The following TSC22D2 variants were observed in gnomAD, a reference collection of about 807,000 sequenced individuals.
The protein encoded by TSC22D2 is TSC22 domain family member 2, also known as TSC22 domain family protein 2.
Under a neutral mutation model 50.1 loss-of-function variants are expected in TSC22D2, and 5 were observed. That is an observed-to-expected ratio of 0.10 (90% confidence interval 0.05 to 0.21). The LOEUF is 0.21. Among genes scored for constraint, TSC22D2 ranks in the 10% least tolerant of loss-of-function variants. TSC22D2 has a pLI of 1.00. For synonymous variants in TSC22D2, 501 were observed against 450.1 expected (o/e 1.11, Z -1.43); for missense variants, 1,003 against 1,015.5 (o/e 0.99, Z 0.17).
chr3:150,455,614 G>A (rs1180262458), intron 1 of TSC22D2, among the ~76,000 whole-genome samples: 3 of 152,166 alleles, frequency 2.0e-5, no homozygotes, highest in Non-Finnish European at 4.4e-5. Context: ...ATCCAGGGAA[G>A]TTAAATAGGT....
Position 150,460,644 on chromosome 3 carries a change from A to T in TSC22D2, c.*2008A>T, listed in dbSNP as rs1320696237. The T allele has an allele frequency of 6.6e-6, 1 of 152,188 alleles. No individual in the cohort carries two copies. The highest frequency in any genetic ancestry group is 1.9e-4 in the East Asian group (1 of 5,206). The allele number at this position is 152,188 out of a possible 1,614,324, so 9.4% of individuals were successfully genotyped here. A position where few individuals can be genotyped will look rare whatever the true frequency, so the allele number is the denominator to read the frequency against. ...CCTAAGGATGTGTAGTAAGATTCCA[A>T]GTAGAGCTGCTACAGGTGAGATACT... On this transcript the variant is annotated 3_prime_UTR_variant, in exon 3 of 3. Transcript: ENST00000688009.
chr3:150,444,064 G>T (rs35218678), intron 1 of TSC22D2, among the ~76,000 whole-genome samples: 30,345 of 151,822 alleles, frequency 0.2, 3,434 homozygotes, highest in African/African-American at 0.29. Flanking sequence ...ATTTACATCA[G>T]TTGCCTATAT....
At chr3:150,412,909 A>G (rs945420898) in intron 1 of TSC22D2, among the ~76,000 whole-genome samples, 4 of 152,170 alleles carry the variant, frequency 2.6e-5, no homozygotes, top group Non-Finnish European at 4.4e-5. Context: ...TAAGTTGGCA[A>G]ATAACCTTTT....
At position 150,458,646 on chromosome 3, in the gene TSC22D2, A is replaced by AAG; in HGVS notation, c.*11_*12dup. On this transcript the variant is annotated 3_prime_UTR_variant, in exon 3 of 3. Transcript: ENST00000688009. ...TGTCTCCTCAGCATAAAGCTTTCTT[A>AAG]AGCCTCATTAAGAAAAAAACTGAAA... 1 of 1,610,434 alleles carries AAG rather than the reference A, an allele frequency of 6.2e-7. No individual in the cohort carries two copies. The highest frequency in any genetic ancestry group is 8.5e-7 in the Non-Finnish European group (1 of 1,178,340).
intron 1 of TSC22D2, among the ~76,000 whole-genome samples, chr3:150,413,561 GTT>G (rs140269585): frequency 4.5e-5 from 5 of 110,120 alleles, no homozygotes; most frequent in South Asian, 2.9e-4. Flanking sequence ...TTTGTTTTGT[GTT>G]TTTTTTTTTT....
In TSC22D2 at chr3:150,410,818, G is replaced by A. The variant is rs1306369715; in HGVS notation, c.1468G>A (p.Gly490Ser). Residue 490 changes from glycine (G) to serine (S), a missense_variant, in exon 1 of 3, where the codon GGT becomes AGT. Physicochemically the swap from Gly to Ser is moderately conservative, Grantham distance 56. Coordinates refer to ENST00000688009, the MANE Select transcript of TSC22D2 (RefSeq NM_001303264.2). The part of the protein sequence containing the change: ...SVPPPQMGGS[G>S]PLSAVPGGPH... ...GCCTCCGCCGCAGATGGGTGGCAGT[G>A]GTCCGCTGTCAGCCGTACCTGGTGG... 1.9e-6 allele frequency: 3 copies of A among 1,613,438 alleles called. No homozygotes were observed. Among genetic ancestry groups the A allele is most frequent in the Admixed American group, 1.7e-5 (1 of 59,994 alleles).
chr3:150,457,472 T>A (rs926819644), intron 2 of TSC22D2, among the ~76,000 whole-genome samples: 1 of 152,022 alleles, frequency 6.6e-6, no homozygotes, highest in African/African-American at 2.4e-5. Context: ...CAAAAACAGC[T>A]GGAGGTCTGA....
At chr3:150,436,675 A>C (rs1203089318) in intron 1 of TSC22D2, among the ~76,000 whole-genome samples, 3 of 152,224 alleles carry the variant, frequency 2.0e-5, no homozygotes, top group African/African-American at 7.2e-5. Flanking sequence ...TTTTGCCTTC[A>C]CCAGGTGATT....
rs1166882775 is a variant in TSC22D2 at position 150,408,927 on chromosome 3, C to A, written c.-424C>A. On this transcript the variant is annotated 5_prime_UTR_variant, in exon 1 of 3. Coordinates refer to ENST00000688009, the MANE Select transcript of TSC22D2 (RefSeq NM_001303264.2). ...GCCACCGCCTCCTCCTCCTCCTCTT[C>A]GCCCTCCCACTCCCACCCCCAGCCA... 2 of 169,792 alleles carry A rather than the reference C, an allele frequency of 1.2e-5. No homozygotes were observed. Among genetic ancestry groups the A allele is most frequent in the Non-Finnish European group, 2.5e-5 (2 of 79,020 alleles). The allele number at this position is 169,792 out of a possible 1,614,324, so 10.5% of individuals were successfully genotyped here. A position where few individuals can be genotyped will look rare whatever the true frequency, so the allele number is the denominator to read the frequency against.
intron 1 of TSC22D2, among the ~76,000 whole-genome samples, chr3:150,436,274 T>C (rs749993322): frequency 2.8e-4 from 42 of 152,152 alleles, no homozygotes; most frequent in Non-Finnish European, 5.3e-4. Flanking sequence ...AACTGCTTCA[T>C]ATGACTGGTT....
intron 1 of TSC22D2, among the ~76,000 whole-genome samples, chr3:150,415,258 A>G (rs1479851470): frequency 6.6e-6 from 1 of 152,208 alleles, no homozygotes; most frequent in African/African-American, 2.4e-5. Context: ...ACAGTGACAC[A>G]TACTGTATAA....
At chr3:150,423,118 T>C (rs369242785) in intron 1 of TSC22D2, 2 of 1,610,814 alleles carry the variant, frequency 1.2e-6, no homozygotes, top group Non-Finnish European at 1.7e-6. Context: ...GCCTCTGGGA[T>C]AGGTATGAAT....
chr3:150,420,944 G>A (rs936791054), intron 1 of TSC22D2, among the ~76,000 whole-genome samples: 7 of 152,174 alleles, frequency 4.6e-5, no homozygotes, highest in African/African-American at 1.2e-4. Context: ...TTAGCTGCGC[G>A]TGGTGGTGGG....
intron 1 of TSC22D2, among the ~76,000 whole-genome samples, chr3:150,453,830 TGAA>T (rs915115342): frequency 2.0e-5 from 3 of 152,110 alleles, no homozygotes; most frequent in Non-Finnish European, 4.4e-5. Flanking sequence ...TTCACAAAGA[TGAA>T]GAAGTTATGG....
Position 150,459,260 on chromosome 3 carries a change from C to CT in TSC22D2, c.*626dup, listed in dbSNP as rs1248136805. On this transcript the variant is annotated 3_prime_UTR_variant, in exon 3 of 3. Coordinates refer to ENST00000688009, the MANE Select transcript of TSC22D2 (RefSeq NM_001303264.2). ...TATTTCTAACACTAATGGCAATTTA[C>CT]TTATGGTATTTATTTTCAGTAGTAA... The CT allele has an allele frequency of 1.3e-5, 2 of 152,554 alleles. No individual in the cohort carries two copies. Among genetic ancestry groups the CT allele is most frequent in the Non-Finnish European group, 2.9e-5 (2 of 68,040 alleles). 9.5% of individuals were successfully genotyped at this position (152,554 alleles called of 1,614,324 possible).
intron 1 of TSC22D2, among the ~76,000 whole-genome samples, chr3:150,439,933 CTG>C (rs1224615495): frequency 6.6e-6 from 1 of 152,176 alleles, no homozygotes; most frequent in Non-Finnish European, 1.5e-5. Context: ...CTGTCAGTCT[CTG>C]TGCTCAAAGG....
At chr3:150,430,304 G>A (rs1477561352) in intron 1 of TSC22D2, among the ~76,000 whole-genome samples, 1 of 152,138 alleles carries the variant, frequency 6.6e-6, no homozygotes, top group African/African-American at 2.4e-5. Context: ...TAAGGATAAA[G>A]TTAAATTTGG....
chr3:150,411,744 C>A (rs186324067), intron 1 of TSC22D2, among the ~76,000 whole-genome samples: 89 of 143,924 alleles, frequency 6.2e-4, no homozygotes, highest in African/African-American at 2.3e-3. Context: ...AGAAGGTCCT[C>A]TAGTGAAAAA....
At chr3:150,422,954 TA>T (rs1329172686) in intron 1 of TSC22D2, 14 of 880,658 alleles carry the variant, frequency 1.6e-5, no homozygotes, top group African/African-American at 3.4e-5. Flanking sequence ...AGTTACACTG[TA>T]TTAGAAATCT....
Sources: gnomAD v4.1 joint callset for allele counts (sites outside exome capture counted in the v4.1 genomes callset) on GRCh38, gnomAD v4.1.1 for gene constraint, MANE v1.5 for transcripts, NCBI Gene and HGNC (gene_info 2026-07-23, HGNC 2026-07-21) for gene names.